The following ACSF2 variants were observed in gnomAD, a reference collection of about 807,000 sequenced individuals.
ACSF2 encodes the protein medium-chain acyl-CoA ligase ACSF2, mitochondrial.
ACSF2 carries 52 observed loss-of-function variants against 79.3 expected under a neutral mutation model. That is an observed-to-expected ratio of 0.66 (90% confidence interval 0.53 to 0.83). The LOEUF (loss-of-function observed/expected upper bound fraction) is 0.83. ACSF2 is among the 40% of genes least tolerant of loss of function. ACSF2 has a pLI of 0.00. For missense variants in ACSF2, 661 were observed against 803.3 expected, an observed-to-expected ratio of 0.82 and a Z score of 2.14; for synonymous variants, 283 against 312.6, an observed-to-expected ratio of 0.91 and a Z score of 1.00.
intron 11 of ACSF2, 85 bp from the exon 12 acceptor site, chr17:50,472,343 C>A: frequency 2.0e-6 from 3 of 1,497,012 alleles, no homozygotes; most frequent in Non-Finnish European, 2.7e-6. Context: ...GGGTTGGGGG[C>A]AGGCAAAGCT....
At chr17:50,439,921 T>C (rs2030757660) in intron 1 of ACSF2, among the ~76,000 whole-genome samples, 1 of 152,264 alleles carries the variant, frequency 6.6e-6, no homozygotes, top group Non-Finnish European at 1.5e-5. Flanking sequence ...TTATTGGTAA[T>C]GTCTCCTGTG....
intron 10 of ACSF2, chr17:50,465,813 TG>T: frequency 6.2e-7 from 1 of 1,613,822 alleles, no homozygotes; most frequent in Non-Finnish European, 8.5e-7. Context: ...TTCAAGCGGT[TG>T]TTCTCCAAAT....
chr17:50,472,580 G>A lies in ACSF2; in HGVS notation c.1475+1G>A. ...ATCAGGACAAGTGGTATTGGACAGG[G>A]TGAGAAGGCAGGGCGGGGTGGAGGC... is the stretch of plus-strand genomic sequence containing the variant. On this transcript the variant is annotated splice_donor_variant, in intron 12 of 15. Coordinates refer to ENST00000300441, the MANE Select transcript of ACSF2 (RefSeq NM_025149.6). LOFTEE classifies it high-confidence loss of function. The A allele has an allele frequency of 1.3e-6, 2 of 1,587,810 alleles. No homozygotes were observed. Among genetic ancestry groups the A allele is most frequent in the Non-Finnish European group, 8.6e-7 (1 of 1,166,966 alleles).
chr17:50,453,727 T>G (rs951712797), intron 1 of ACSF2, among the ~76,000 whole-genome samples: 5 of 152,040 alleles, frequency 3.3e-5, no homozygotes, highest in Admixed American at 3.3e-4. Context: ...GTATTGTTTC[T>G]TTTTTGTAGT....
At chr17:50,446,287 A>G (rs2031295892) in intron 1 of ACSF2, among the ~76,000 whole-genome samples, 1 of 152,128 alleles carries the variant, frequency 6.6e-6, no homozygotes, top group Non-Finnish European at 1.5e-5. Context: ...GAAATATATG[A>G]CAGATTCAGA....
intron 1 of ACSF2, among the ~76,000 whole-genome samples, chr17:50,434,025 T>C (rs2030179546): frequency 6.6e-6 from 1 of 151,922 alleles, no homozygotes; most frequent in African/African-American, 2.4e-5. Context: ...TTCAAGATGC[T>C]GAAAATGGGC....
intron 3 of ACSF2, 51 bp from the exon 4 acceptor site, chr17:50,461,582 G>T: frequency 6.2e-7 from 1 of 1,612,780 alleles, no homozygotes; most frequent in Non-Finnish European, 8.5e-7. Flanking sequence ...GGGGCAGCAG[G>T]AGGGACAGGG....
intron 1 of ACSF2, among the ~76,000 whole-genome samples, chr17:50,459,799 G>T (rs1228381109): frequency 6.6e-6 from 1 of 152,206 alleles, no homozygotes; most frequent in Admixed American, 6.5e-5. Flanking sequence ...ACATGTGAGA[G>T]GTGAAGAGTC....
intron 1 of ACSF2, among the ~76,000 whole-genome samples, chr17:50,445,480 T>A (rs2031237577): frequency 6.6e-6 from 1 of 152,114 alleles, no homozygotes; most frequent in Non-Finnish European, 1.5e-5. Flanking sequence ...GCAGAATCAT[T>A]ACATTCCCGA....
At position 50,460,766 on chromosome 17, in the gene ACSF2, C is replaced by G; in HGVS notation, c.218C>G (p.Thr73Ser). 1 of 1,613,408 alleles carries G rather than the reference C, an allele frequency of 6.2e-7. No homozygotes were observed. Among genetic ancestry groups the G allele is most frequent in the Non-Finnish European group, 8.5e-7 (1 of 1,179,702 alleles). ...ACCAAAAAGCATCTTAACAGCAAGACTGTGGGCCAGTGCCTGGAGACCACA... is the reference window on the plus strand; with the variant it reads ...ACCAAAAAGCATCTTAACAGCAAGAGTGTGGGCCAGTGCCTGGAGACCACA... ...GCTKKHLNSK[T>S]VGQCLETTAQ... is the part of the protein sequence containing the mutation. Residue 73 changes from threonine (T) to serine (S), a missense_variant, in exon 2 of 16, where the codon ACT becomes AGT. Transcript: ENST00000300441.
intron 1 of ACSF2, among the ~76,000 whole-genome samples, chr17:50,454,426 G>A (rs1249773696): frequency 6.6e-6 from 1 of 152,064 alleles, no homozygotes; most frequent in Non-Finnish European, 1.5e-5. Flanking sequence ...CTTTATCTGG[G>A]AGACAGCCAG....
rs149581463 is a variant in ACSF2, at chr17:50,465,762, G to A, written c.1215+1468G>A. The A allele has an allele frequency of 3.1e-6, 5 of 1,613,888 alleles. No individual in the cohort carries two copies. The Admixed American group carries it at 8.3e-5, about 27-fold the overall frequency. On this transcript the variant is annotated intron_variant, in intron 10 of 15. Coordinates refer to ENST00000300441, the MANE Select transcript of ACSF2 (RefSeq NM_025149.6). Reference sequence around the variant, plus strand: ...TTCCAGGGGTTATTGGTAAGGGCGAGGGTCTCCAGGCTGTCGAAGGGGAAG... The same window carrying A: ...TTCCAGGGGTTATTGGTAAGGGCGAAGGTCTCCAGGCTGTCGAAGGGGAAG...
rs1184895837 is a variant in ACSF2, at chr17:50,474,202, T to C, written c.1732T>C (p.Ser578Pro). The C allele has an allele frequency of 2.5e-6, 4 of 1,614,176 alleles. No homozygotes were observed. The East Asian group carries it at 6.7e-5, about 27-fold the overall frequency. Reference protein sequence around the residue: ...EIKAFCKGKISHFKIPKYIVF... With the variant: ...EIKAFCKGKIPHFKIPKYIVF... ...CCTCCCTCCCTCTGGTCTGCAGATCTCTCACTTCAAGATTCCGAAGTACAT... is the reference window on the plus strand; with the variant it reads ...CCTCCCTCCCTCTGGTCTGCAGATCCCTCACTTCAAGATTCCGAAGTACAT... The change falls in exon 15 of 16, where the codon TCT becomes CCT. Residue 578 changes from serine to proline, a missense_variant. Ser to Pro is a moderately conservative substitution (Grantham distance 74). Transcript: ENST00000300441. The surrounding 1 kb of genome is among the most constrained non-coding windows in gnomAD (Gnocchi z 4.2).
intron 1 of ACSF2, 98 bp downstream of exon 1, chr17:50,426,487 T>A (rs1598380851): frequency 1.6e-6 from 2 of 1,244,650 alleles, no homozygotes; most frequent in East Asian, 6.3e-5. Flanking sequence ...TCTGGACGAG[T>A]GCACTGGGGG....
At chr17:50,473,837 A>G in intron 13 of ACSF2, 31 bp downstream of exon 13, 1 of 1,613,600 alleles carries the variant, frequency 6.2e-7, no homozygotes, top group Non-Finnish European at 8.5e-7. Flanking sequence ...GAGCCCCCAG[A>G]AACAAGAAAC....
At position 50,454,879 on chromosome 17, in the gene ACSF2, G is replaced by A. The variant is rs1410942271; in HGVS notation, c.129-5798G>A. On this transcript the variant is annotated intron_variant, in intron 1 of 15. Coordinates refer to ENST00000300441, the MANE Select transcript of ACSF2 (RefSeq NM_025149.6). ...TTTTTCCCCCATAAATCAGCCTGCC[G>A]ATTTCCCAATTAGAATTTCCAGGAG... 4.6e-5 allele frequency among the ~76,000 whole-genome samples: 7 copies of A among 152,054 alleles called. No homozygotes were observed. The East Asian group carries it at 1.3e-3, about 29-fold the overall frequency.
chr17:50,438,803 GTGA>G (rs902901849), intron 1 of ACSF2, among the ~76,000 whole-genome samples: 1 of 152,060 alleles, frequency 6.6e-6, no homozygotes, highest in Non-Finnish European at 1.5e-5. Flanking sequence ...CTGATCTCAG[GTGA>G]TCCACCTGTC....
chr17:50,460,369 A>G (rs563841913), intron 1 of ACSF2: 1 of 476,022 alleles, frequency 2.1e-6, no homozygotes, highest in African/African-American at 2.0e-5. Context: ...GCTTTGTAAG[A>G]TCTGTCTGTC....
intron 1 of ACSF2, among the ~76,000 whole-genome samples, chr17:50,431,662 T>C (rs1038948144): frequency 2.6e-5 from 4 of 152,096 alleles, no homozygotes; most frequent in African/African-American, 9.7e-5. Context: ...ACCCAGATCA[T>C]TTTAAAATTT....
Sources: gnomAD v4.1 joint callset for allele counts (sites outside exome capture counted in the v4.1 genomes callset) on GRCh38, gnomAD v4.1.1 for gene constraint, Gnocchi (gnomAD v3.1) non-coding constraint, MANE v1.5 for transcripts, NCBI Gene and HGNC (gene_info 2026-07-23, HGNC 2026-07-21) for gene names.